The following ABHD6 variants were observed in gnomAD, a reference collection of about 807,000 sequenced individuals.
ABHD6 encodes the protein monoacylglycerol lipase ABHD6.
A neutral mutation model predicts 38.8 loss-of-function variants in ABHD6; 33 were observed. That is an observed-to-expected ratio of 0.85 (90% CI 0.64 to 1.14). The LOEUF is 1.14. Among genes scored for constraint, ABHD6 ranks in the 50% most tolerant of loss-of-function variants. The probability of loss-of-function intolerance (pLI) is 0.00; values close to 1 mark genes in which losing one functional copy is unlikely to be tolerated. For missense variants in ABHD6, 380 were observed against 422.6 expected (o/e 0.90, Z 0.88); for synonymous variants, 147 against 161.6 (o/e 0.91, Z 0.69).
chr3:58,258,318 A>C, intron 3 of ABHD6: 1 of 418,058 alleles, frequency 2.4e-6, no homozygotes, highest in Non-Finnish European at 4.8e-6. Context: ...AAAAAAAAAT[A>C]TGTATATATA....
In ABHD6 at chr3:58,269,479, A is replaced by G; in HGVS notation, c.390+45A>G. 1 of 1,448,472 alleles carries G rather than the reference A, an allele frequency of 6.9e-7. No individual in the cohort carries two copies. The highest frequency in any genetic ancestry group is 9.7e-7 in the Non-Finnish European group (1 of 1,035,032). The allele number at this position is 1,448,472 out of a possible 1,614,324, so 89.7% of individuals were successfully genotyped here. On this transcript the variant is annotated intron_variant, in intron 5 of 9. Transcript: ENST00000478253. This position sits in a 1 kb window ranked among gnomAD's most constrained non-coding sequence, Gnocchi z 4.4. ...AAAGATTGCCCAGACTGTCTCAGCC[A>G]CCATTACATGTCTGAGTCTGGAGAG...
At position 58,271,030 on chromosome 3, in the gene ABHD6, G is replaced by T. The variant is rs748212605; in HGVS notation, c.489G>T (p.Ser163=). 1 of 1,611,672 alleles carries T rather than the reference G, an allele frequency of 6.2e-7. No homozygotes were observed. The highest frequency in any genetic ancestry group is 1.1e-5 in the South Asian group (1 of 90,690). ...GGGTGTATGCTGCTTACTACCCATC[G>T]GATGTCTCCAGCCTGTGTCTCGTGT... ...VAGVYAAYYP[S]DVSSLCLVCP... is the part of the protein sequence containing the mutation. The change falls in exon 6 of 10, where the codon TCG becomes TCT. Residue 163 remains serine (S), a synonymous_variant. Transcript: ENST00000478253.
chr3:58,255,637 T>G (rs1043803833), intron 2 of ABHD6, among the ~76,000 whole-genome samples: 1 of 151,844 alleles, frequency 6.6e-6, no homozygotes, highest in Non-Finnish European at 1.5e-5. Context: ...CCTCCTTTTT[T>G]ATTTTTATTT....
chr3:58,255,504 G>A (rs2037125), intron 2 of ABHD6, among the ~76,000 whole-genome samples: 60,985 of 148,278 alleles, frequency 0.41, 13,336 homozygotes, highest in African/African-American at 0.56. Flanking sequence ...CCGTTGCCTA[G>A]GCTAGAGTGC....
chr3:58,245,663 C>T (rs2097425882), intron 1 of ABHD6, among the ~76,000 whole-genome samples: 1 of 152,118 alleles, frequency 6.6e-6, no homozygotes, highest in Non-Finnish European at 1.5e-5. Flanking sequence ...CCTGTAGTCC[C>T]AGCTACTTGG....
Position 58,290,463 on chromosome 3 carries a change from C to T in ABHD6, c.838-3126C>T, listed in dbSNP as rs1406171538. Among the ~76,000 whole-genome samples, 8 of 105,332 alleles carry T rather than the reference C, an allele frequency of 7.6e-5. 1 individual carries two copies. The East Asian group carries it at 1.0e-3, about 14-fold the overall frequency. The allele number at this position is 105,332 out of a possible 152,430, so 69.1% of individuals were successfully genotyped here. ...CTACCGGATGGGGCGGCTGGCCGGG[C>T]GGGGGGCTGACCCCCCCACCTCCCT... On this transcript the variant is annotated intron_variant, in intron 9 of 9. Coordinates refer to ENST00000478253, the MANE Select transcript of ABHD6 (RefSeq NM_001320126.2).
intron 9 of ABHD6, among the ~76,000 whole-genome samples, chr3:58,289,957 C>T (rs2097460595): frequency 7.0e-6 from 1 of 142,692 alleles, no homozygotes; most frequent in Non-Finnish European, 1.5e-5. Flanking sequence ...AGGCGCCCCT[C>T]ACCTCCCGGA....
chr3:58,286,885 A>ATATGT (rs1553721771), intron 9 of ABHD6, among the ~76,000 whole-genome samples: 2 of 44,890 alleles, frequency 4.5e-5, no homozygotes, highest in South Asian at 1.0e-3. Context: ...TGTATATATA[A>ATATGT]GTAGGTATCT....
intron 7 of ABHD6, among the ~76,000 whole-genome samples, chr3:58,280,258 TC>T (rs1392140571): frequency 6.6e-6 from 1 of 152,192 alleles, no homozygotes; most frequent in African/African-American, 2.4e-5. Context: ...TTTCACATAG[TC>T]CCGTATTTCT....
At chr3:58,245,443 G>A (rs2097425721) in intron 1 of ABHD6, among the ~76,000 whole-genome samples, 1 of 151,870 alleles carries the variant, frequency 6.6e-6, no homozygotes, top group Non-Finnish European at 1.5e-5. Flanking sequence ...TGGGATTACA[G>A]CCCTGAGCCA....
At chr3:58,281,241 TGGGCTTTGCC>T (rs2097452958) in intron 7 of ABHD6, among the ~76,000 whole-genome samples, 1 of 152,238 alleles carries the variant, frequency 6.6e-6, no homozygotes. Context: ...TGAGCTGTGG[TGGGCTTTGCC>T]GAGTTCGAGC....
At chr3:58,272,441 T>A (rs2097445755) in intron 6 of ABHD6, among the ~76,000 whole-genome samples, 1 of 152,178 alleles carries the variant, frequency 6.6e-6, no homozygotes. Context: ...TTAATGACTT[T>A]TACTGAAACT....
At chr3:58,268,550 T>A (rs1382884256) in intron 4 of ABHD6, among the ~76,000 whole-genome samples, 1 of 152,162 alleles carries the variant, frequency 6.6e-6, no homozygotes, top group Non-Finnish European at 1.5e-5. Flanking sequence ...GGCTCCCACA[T>A]CAGGCAACAC....
At chr3:58,292,193 C>T (rs563618672) in intron 9 of ABHD6, among the ~76,000 whole-genome samples, 33 of 152,320 alleles carry the variant, frequency 2.2e-4, no homozygotes, top group Non-Finnish European at 4.6e-4. Context: ...GGATGCCCTG[C>T]AGGACTCTTT....
At chr3:58,280,360 C>G (rs1228320173) in intron 7 of ABHD6, among the ~76,000 whole-genome samples, 1 of 152,100 alleles carries the variant, frequency 6.6e-6, no homozygotes, top group African/African-American at 2.4e-5. Context: ...CACGGATACC[C>G]TTTCTTTCAC....
chr3:58,257,797 A>G lies in ABHD6; in HGVS notation c.119+1092A>G, dbSNP rs1226423905. ...TTTTAGAGTTGTTCTAGAAGTGTTC[A>G]TTAGTAAAGAAGTGACAGAAAGAAA... On this transcript the variant is annotated intron_variant, in intron 3 of 9. Transcript: ENST00000478253. This position sits in a 1 kb window ranked among gnomAD's most constrained non-coding sequence, Gnocchi z 4.8. Among the ~76,000 whole-genome samples, 4 of 152,236 alleles carry G rather than the reference A, an allele frequency of 2.6e-5. 1 individual carries two copies. The highest frequency in any genetic ancestry group is 1.5e-5 in the Non-Finnish European group (1 of 68,034).
chr3:58,244,505 G>A (rs1019915934), intron 1 of ABHD6, among the ~76,000 whole-genome samples: 3 of 152,144 alleles, frequency 2.0e-5, no homozygotes, highest in African/African-American at 4.8e-5. Flanking sequence ...ATGGTGGCTC[G>A]TGCCTGCCCA....
In ABHD6 at chr3:58,274,793, T is replaced by C; in HGVS notation, c.659T>C (p.Val220Ala). 6.2e-7 allele frequency: 1 copy of C among 1,614,076 alleles called. No individual in the cohort carries two copies. Among genetic ancestry groups the C allele is most frequent in the Non-Finnish European group, 8.5e-7 (1 of 1,179,966 alleles). Residue 220 changes from valine to alanine, a missense_variant, in exon 7 of 10, where the codon GTC (valine) becomes GCC (alanine). Val to Ala is a moderately conservative substitution (Grantham distance 64). Coordinates refer to ENST00000478253, the MANE Select transcript of ABHD6 (RefSeq NM_001320126.2). ...GAAATGCTTCAGCTCTGCTCCTATGTCCGCTTCAAGGTGCCCCAGCAGGTA... is the reference window on the plus strand; with the variant it reads ...GAAATGCTTCAGCTCTGCTCCTATGCCCGCTTCAAGGTGCCCCAGCAGGTA... ...MSEMLQLCSYVRFKVPQQILQ... is the reference protein window; with the variant it reads ...MSEMLQLCSYARFKVPQQILQ...
intron 7 of ABHD6, among the ~76,000 whole-genome samples, chr3:58,284,874 TATA>T (rs745341481): frequency 3.3e-5 from 5 of 151,978 alleles, no homozygotes. Flanking sequence ...CAAGTTCCTT[TATA>T]ATAATAATAA....
Sources: allele counts gnomAD v4.1 joint callset (sites outside exome capture counted in the v4.1 genomes callset), GRCh38; gene constraint gnomAD v4.1.1; non-coding constraint Gnocchi (gnomAD v3.1); transcripts MANE v1.5; gene names NCBI Gene and HGNC (gene_info 2026-07-23, HGNC 2026-07-21).